Variants in RAD51B observed in about 807,000 individuals in gnomAD.
RAD51B encodes RAD51 paralog B.
RAD51B carries 38 observed loss-of-function variants against 42.2 expected under a neutral mutation model. The observed-to-expected ratio is 0.90, with a 90% CI of 0.70 to 1.18. The LOEUF (loss-of-function observed/expected upper bound fraction) is 1.18, where lower values mean the gene tolerates loss of function less well. RAD51B is among the 50% of genes most tolerant of loss of function. The probability of loss-of-function intolerance (pLI) is 0.00; values close to 1 mark genes in which losing one functional copy is unlikely to be tolerated. For synonymous variants in RAD51B, 154 were observed against 145.2 expected (o/e 1.06, Z -0.43); for missense variants, 373 against 400.7 (o/e 0.93, Z 0.59).
intron 8 of RAD51B, among the ~76,000 whole-genome samples, chr14:68,307,907 C>T (rs944070494): frequency 2.0e-5 from 3 of 152,232 alleles, no homozygotes; most frequent in East Asian, 3.8e-4. Flanking sequence ...TTCATATTCA[C>T]GATTGAGGCT....
At chr14:68,156,456 T>TCTCTCTCTCTCTCTCTCTCTCG (rs1566689071) in intron 7 of RAD51B, among the ~76,000 whole-genome samples, 5 of 3,274 alleles carry the variant, frequency 1.5e-3, no homozygotes, top group African/African-American at 2.2e-3. Context: ...TTAGAAAATT[T>TCTCTCTCTCTCTCTCTCTCTCG]CTCTCTCTCT....
chr14:67,922,166 G>A (rs1456320287), intron 7 of RAD51B, among the ~76,000 whole-genome samples: 5 of 152,196 alleles, frequency 3.3e-5, no homozygotes, highest in Non-Finnish European at 7.3e-5. Context: ...CCTTCGTGGT[G>A]CCAGACTCCT....
At chr14:68,608,424 G>A (rs548308765) in intron 10 of RAD51B, among the ~76,000 whole-genome samples, 3 of 152,276 alleles carry the variant, frequency 2.0e-5, no homozygotes, top group Admixed American at 1.3e-4. Flanking sequence ...GGAGATGCTC[G>A]GCTTCAGAGG....
chr14:67,848,725 C>T (rs562349125), intron 4 of RAD51B, among the ~76,000 whole-genome samples: 1 of 152,164 alleles, frequency 6.6e-6, no homozygotes, highest in Non-Finnish European at 1.5e-5. Context: ...AGGTGTCGTT[C>T]TTACCATTCC....
rs1351219767 is a variant in RAD51B, at chr14:68,143,397, T to A, written c.757-148487T>A. On this transcript the variant is annotated intron_variant, in intron 7 of 10. Coordinates refer to ENST00000471583, the MANE Select transcript of RAD51B (RefSeq NM_133510.4). ...CCAAAATGGACTTTGTCCACACTTA[T>A]GTGCTAATCTCCAAAGAAGAAGAAA... 2.6e-5 allele frequency among the ~76,000 whole-genome samples: 4 copies of A among 152,204 alleles called. No individual in the cohort carries two copies. The East Asian group carries it at 7.7e-4, about 29-fold the overall frequency.
At chr14:67,883,075 A>G (rs995342055) in intron 5 of RAD51B, among the ~76,000 whole-genome samples, 7 of 152,040 alleles carry the variant, frequency 4.6e-5, no homozygotes, top group African/African-American at 1.4e-4. Flanking sequence ...CTTTTGAACT[A>G]TATCTTGAGT....
intron 7 of RAD51B, among the ~76,000 whole-genome samples, chr14:68,263,846 G>A (rs17193228): frequency 3.9e-3 from 592 of 152,298 alleles, no homozygotes; most frequent in Middle Eastern, 0.01. Context: ...TCAGAAACTA[G>A]AATGCAGAAA....
chr14:68,598,405 GA>G (rs1891087781), downstream of RAD51B, among the ~76,000 whole-genome samples: 1 of 152,220 alleles, frequency 6.6e-6, no homozygotes, highest in South Asian at 2.1e-4. Flanking sequence ...CAGGGAAAAG[GA>G]GAAATCACAG....
chr14:67,961,705 CTCT>C (rs2074671785), intron 7 of RAD51B, among the ~76,000 whole-genome samples: 1 of 152,138 alleles, frequency 6.6e-6, no homozygotes, highest in Non-Finnish European at 1.5e-5. Context: ...ATCATTTCAT[CTCT>C]TCTTTTCTCA....
chr14:68,250,716 A>T (rs1221480633), intron 7 of RAD51B, among the ~76,000 whole-genome samples: 1 of 152,138 alleles, frequency 6.6e-6, no homozygotes, highest in African/African-American at 2.4e-5. Flanking sequence ...AGGGCCTCAT[A>T]CCTACATCTC....
chr14:68,650,461 A>T (rs17835116), intron 10 of RAD51B, among the ~76,000 whole-genome samples: 1 of 152,156 alleles, frequency 6.6e-6, no homozygotes, highest in African/African-American at 2.4e-5. Flanking sequence ...GGTGGGCAGA[A>T]AACTCAGTTT....
chr14:68,188,892 C>A (rs957938052), intron 7 of RAD51B, among the ~76,000 whole-genome samples: 1 of 152,066 alleles, frequency 6.6e-6, no homozygotes, highest in Admixed American at 6.6e-5. Context: ...TTTGCATCGA[C>A]TTTTCTTCCA....
chr14:68,448,217 G>C (rs780494468), intron 9 of RAD51B, among the ~76,000 whole-genome samples: 1 of 152,178 alleles, frequency 6.6e-6, no homozygotes, highest in African/African-American at 2.4e-5. Context: ...ATATACAAGG[G>C]TGTTATTTGT....
intron 10 of RAD51B, among the ~76,000 whole-genome samples, chr14:68,644,337 C>A (rs1207202596): frequency 6.6e-6 from 1 of 152,182 alleles, no homozygotes; most frequent in African/African-American, 2.4e-5. Context: ...CTGACTCTTG[C>A]CATAAGTCCT....
At chr14:68,564,419 G>A (rs1299627667) in intron 10 of RAD51B, among the ~76,000 whole-genome samples, 1 of 152,174 alleles carries the variant, frequency 6.6e-6, no homozygotes, top group African/African-American at 2.4e-5. Context: ...TTCTGTTAAC[G>A]AGAGGCCACT....
intron 7 of RAD51B, among the ~76,000 whole-genome samples, chr14:67,912,321 T>C (rs1250451656): frequency 1.3e-5 from 2 of 152,230 alleles, no homozygotes; most frequent in Non-Finnish European, 2.9e-5. Flanking sequence ...GTAGCTATGC[T>C]CATTGATTTT....
At chr14:68,143,956 T>TC (rs368879099) in intron 7 of RAD51B, among the ~76,000 whole-genome samples, 2 of 152,186 alleles carry the variant, frequency 1.3e-5, no homozygotes, top group African/African-American at 2.4e-5. Context: ...ATTTTTTTTT[T>TC]CTCTTCTACA....
At chr14:68,345,455 G>A (rs553918843) in intron 8 of RAD51B, among the ~76,000 whole-genome samples, 23 of 152,208 alleles carry the variant, frequency 1.5e-4, no homozygotes, top group Admixed American at 3.9e-4. Context: ...TGGTTAACAT[G>A]AAATGTGGTT....
chr14:68,345,822 A>G (rs545448651), intron 8 of RAD51B, among the ~76,000 whole-genome samples: 1 of 152,236 alleles, frequency 6.6e-6, no homozygotes, highest in Admixed American at 6.5e-5. Flanking sequence ...TACCACGCCC[A>G]GCTAATTTTT....
Sources: gnomAD v4.1 joint callset for allele counts (sites outside exome capture counted in the v4.1 genomes callset) on GRCh38, gnomAD v4.1.1 for gene constraint, MANE v1.5 for transcripts, NCBI Gene and HGNC (gene_info 2026-07-23, HGNC 2026-07-21) for gene names.